Variants in RABAC1 observed in about 807,000 individuals in gnomAD.
RABAC1 encodes the protein Rab acceptor 1.
In RABAC1, 16 loss-of-function variants were observed where a neutral mutation model predicts 22.9. That is an observed-to-expected ratio of 0.70 (90% confidence interval 0.47 to 1.06). The LOEUF (loss-of-function observed/expected upper bound fraction) is 1.06, where lower values mean the gene tolerates loss of function less well. RABAC1 is among the 50% of genes least tolerant of loss of function. RABAC1 has a pLI of 0.00. For missense variants in RABAC1, 227 were observed against 246.5 expected (o/e 0.92, Z 0.53); for synonymous variants, 139 against 107.7 (o/e 1.29, Z -1.80).
In RABAC1 at chr19:41,956,757, T is replaced by C. The variant is rs1484992813; in HGVS notation, c.*89A>G. The C allele has an allele frequency of 1.4e-5, 17 of 1,243,328 alleles. No individual in the cohort carries two copies. Among genetic ancestry groups the C allele is most frequent in the Non-Finnish European group, 1.6e-5 (14 of 896,708 alleles). The allele number at this position is 1,243,328 out of a possible 1,614,324, so 77.0% of individuals were successfully genotyped here. A position where few individuals can be genotyped will look rare whatever the true frequency, so the allele number is the denominator to read the frequency against. On this transcript the variant is annotated 3_prime_UTR_variant, in exon 5 of 5. Transcript: ENST00000222008. Reference sequence around the variant, plus strand: ...CCCCGGGCTTGTGATGGGACGGCGCTGTGGGCCCGAGCAGCAGAGCCGTGC... The same window carrying C: ...CCCCGGGCTTGTGATGGGACGGCGCCGTGGGCCCGAGCAGCAGAGCCGTGC...
At chr19:41,958,000 G>A (rs1044162240) in intron 3 of RABAC1, 4 of 367,104 alleles carry the variant, frequency 1.1e-5, no homozygotes, top group Admixed American at 4.1e-5. Context: ...GCAAGGGGAG[G>A]AGAGAGAGGG....
intron 3 of RABAC1, chr19:41,958,016 G>A: frequency 2.5e-6 from 1 of 407,714 alleles, no homozygotes; most frequent in Non-Finnish European, 4.6e-6. Context: ...GAGGGGAGGA[G>A]TCATGTGGTT....
In RABAC1 at chr19:41,958,860, C is replaced by T. The variant is rs1301313320; in HGVS notation, c.145G>A (p.Val49Met). Residue 49 changes from valine (V) to methionine (M), a missense_variant, in exon 2 of 5, where the codon GTG (valine) becomes ATG (methionine). By Grantham distance (21) the Val-to-Met change is conservative (BLOSUM62 1). Coordinates refer to ENST00000222008, the MANE Select transcript of RABAC1 (RefSeq NM_006423.3). ...RATIRPWSTF[V>M]DQQRFSRPRN... Reference sequence around the variant, plus strand: ...GGCCGTGAGAAGCGCTGCTGGTCCACGAAGGTGCTCCAGGGCCGGATGGTC... The same window carrying T: ...GGCCGTGAGAAGCGCTGCTGGTCCATGAAGGTGCTCCAGGGCCGGATGGTC... 6.2e-7 allele frequency: 1 copy of T among 1,606,918 alleles called. No individual in the cohort carries two copies. Among genetic ancestry groups the T allele is most frequent in the African/African-American group, 1.3e-5 (1 of 75,018 alleles).
At chr19:41,958,619 A>C in intron 2 of RABAC1, 117 bp downstream of exon 2, 4 of 1,180,434 alleles carry the variant, frequency 3.4e-6, no homozygotes, top group Non-Finnish European at 3.6e-6. Flanking sequence ...GGCGGTGAGA[A>C]GAGGGCCCTG....
In RABAC1 at chr19:41,958,825, C is replaced by G. The variant is rs143231392; in HGVS notation, c.180G>C (p.Leu60=). ...DQQRFSRPRN[L]GELCQRLVRN... ...GTACGAGGCGCTGGCACAGCTCTCC[C>G]AGGTTGCGGGGCCGTGAGAAGCGCT... The change falls in exon 2 of 5, where the codon CTG becomes CTC. Residue 60 remains leucine, a synonymous_variant. Transcript: ENST00000222008. The G allele has an allele frequency of 6.2e-6, 10 of 1,610,758 alleles. No individual in the cohort carries two copies. Among genetic ancestry groups the G allele is most frequent in the Non-Finnish European group, 8.5e-6 (10 of 1,179,846 alleles).
intron 3 of RABAC1, chr19:41,957,459 G>A (rs2074995300): frequency 3.3e-6 from 1 of 300,594 alleles, no homozygotes; most frequent in Non-Finnish European, 6.3e-6. Flanking sequence ...GGTGGCCCAA[G>A]GGCCAAATCT....
rs782785413 is a variant in RABAC1 at position 41,956,915 on chromosome 19, G to A, written c.489C>T (p.Ile163=). 40 of 1,612,584 alleles carry A rather than the reference G, an allele frequency of 2.5e-5. No individual in the cohort carries two copies. Among genetic ancestry groups the A allele is most frequent in the African/African-American group, 8.0e-5 (6 of 74,868 alleles). ...TCTGGTGGAAGGCAGCGTGGGAGCC[G>A]ATGACCACCAGGGTGGCTCCTGCAG... The part of the protein sequence containing the change: ...FWVLGATLVV[I]GSHAAFHQIE... The change falls in exon 5 of 5, where the codon ATC becomes ATT. Residue 163 remains isoleucine, a synonymous_variant. Coordinates refer to ENST00000222008, the MANE Select transcript of RABAC1 (RefSeq NM_006423.3).
At chr19:41,957,466 A>C in intron 3 of RABAC1, 3 of 275,420 alleles carry the variant, frequency 1.1e-5, no homozygotes, top group East Asian at 7.0e-5. Flanking sequence ...CAAGGGCCAA[A>C]TCTGACCTGT....
At chr19:41,957,397 CTAGACTAGGGCTCTCCTGCTGCA>C in intron 3 of RABAC1, 2 of 485,652 alleles carry the variant, frequency 4.1e-6, no homozygotes, top group Non-Finnish European at 7.5e-6. Flanking sequence ...TTCCTGCTCC[CTAGACTAGGGCTCTCCTGCTGCA>C]ACCCTCGCGC....
chr19:41,959,255 G>T lies in RABAC1; in HGVS notation c.38C>A (p.Ala13Glu). The change falls in exon 1 of 5, where the codon GCG (alanine) becomes GAG (glutamate). Residue 13 changes from alanine to glutamate, a missense_variant. Transcript: ENST00000222008. ...AQKDQQKDAE[A>E]EGLSGTTLLP... The stretch of plus-strand genomic sequence containing the variant: ...CGCTCACGTGCCGCTCAGCCCTTCC[G>T]CCTCGGCATCTTTCTGCTGGTCCTT... The T allele has an allele frequency of 6.2e-7, 1 of 1,613,628 alleles. No individual in the cohort carries two copies. Among genetic ancestry groups the T allele is most frequent in the Non-Finnish European group, 8.5e-7 (1 of 1,179,936 alleles).
chr19:41,958,085 A>T (rs1029917709), intron 3 of RABAC1: 5 of 555,608 alleles, frequency 9.0e-6, no homozygotes, highest in Non-Finnish European at 1.6e-5. Flanking sequence ...GAGGAATAGC[A>T]ATTTGAGGGG....
intron 1 of RABAC1, 109 bp from the exon 2 acceptor site, chr19:41,959,057 G>T (rs1380261709): frequency 2.2e-6 from 3 of 1,351,470 alleles, no homozygotes; most frequent in Non-Finnish European, 3.0e-6. Context: ...CCAGATTCCT[G>T]TACAGCAGGC....
intron 2 of RABAC1, 148 bp downstream of exon 2, chr19:41,958,588 A>G: frequency 5.0e-6 from 5 of 1,002,848 alleles, no homozygotes; most frequent in Non-Finnish European, 7.4e-6. Flanking sequence ...TAGCAGAGCC[A>G]ATCCTTGGGG....
rs997471096 is a variant in RABAC1 at position 41,956,723 on chromosome 19, G to A, written c.*123C>T. ...CCATAACAGCTTTATTTTCAAAGGC[G>A]GGATCCCTCCCCGGGCTTGTGATGG... is the stretch of plus-strand genomic sequence containing the variant. On this transcript the variant is annotated 3_prime_UTR_variant, in exon 5 of 5. Transcript: ENST00000222008. 1.3e-5 allele frequency: 11 copies of A among 824,506 alleles called. No homozygotes were observed. Among genetic ancestry groups the A allele is most frequent in the Admixed American group, 2.9e-5 (1 of 34,146 alleles). 51.1% of individuals were successfully genotyped at this position (824,506 alleles called of 1,614,324 possible). A position where few individuals can be genotyped will look rare whatever the true frequency, so the allele number is the denominator to read the frequency against.
chr19:41,958,866 T>C lies in RABAC1; in HGVS notation c.139A>G (p.Thr47Ala). ...RRRATIRPWSTFVDQQRFSRP... is the reference protein window; with the variant it reads ...RRRATIRPWSAFVDQQRFSRP... ...GAGAAGCGCTGCTGGTCCACGAAGG[T>C]GCTCCAGGGCCGGATGGTCGCGCGG... Residue 47 changes from threonine (T) to alanine (A), a missense_variant, in exon 2 of 5, where the codon ACC (threonine) becomes GCC (alanine). Transcript: ENST00000222008. The C allele has an allele frequency of 2.5e-6, 4 of 1,605,814 alleles. No individual in the cohort carries two copies. The highest frequency in any genetic ancestry group is 3.4e-6 in the Non-Finnish European group (4 of 1,178,876).
At chr19:41,959,053 T>C in intron 1 of RABAC1, 105 bp from the exon 2 acceptor site, 2 of 1,358,060 alleles carry the variant, frequency 1.5e-6, no homozygotes, top group Non-Finnish European at 2.0e-6. Context: ...GACCCCAGAT[T>C]CCTGTACAGC....
chr19:41,959,113 A>T (rs887266189), intron 1 of RABAC1, 124 bp downstream of exon 1: 11 of 1,419,408 alleles, frequency 7.7e-6, no homozygotes, highest in Non-Finnish European at 9.6e-6. Context: ...ATTAGAGGAG[A>T]CCGGGGCCAA....
At position 41,958,143 on chromosome 19, in the gene RABAC1, C is replaced by T. The variant is rs534504173; in HGVS notation, c.367+143G>A. 139 of 691,522 alleles carry T rather than the reference C, an allele frequency of 2.0e-4. No homozygotes were observed. In the African/African-American group the frequency reaches 2.3e-3, roughly 12 times the overall value. The allele number at this position is 691,522 out of a possible 1,614,324, so 42.8% of individuals were successfully genotyped here. On this transcript the variant is annotated intron_variant, in intron 3 of 4. Transcript: ENST00000222008. ...GGTTGTGTCTGAGATTTTAAGGGATCAGGTTTGGGGGATCTAGTGTACATC... is the reference window on the plus strand; with the variant it reads ...GGTTGTGTCTGAGATTTTAAGGGATTAGGTTTGGGGGATCTAGTGTACATC...
rs782138947 is a variant in RABAC1, at chr19:41,958,719, GC to G, written c.269+16del. 2.6e-5 allele frequency: 41 copies of G among 1,606,176 alleles called. No individual in the cohort carries two copies. In the East Asian group the frequency reaches 9.0e-4, roughly 35 times the overall value. Reference sequence around the variant, plus strand: ...CGGTCGGGGCTAGTGCGGGTGCGGGGCCCGGGAGGCACTCACACACAGTACA... The same window carrying G: ...CGGTCGGGGCTAGTGCGGGTGCGGGGCCGGGAGGCACTCACACACAGTACA... On this transcript the variant is annotated intron_variant, in intron 2 of 4. Coordinates refer to ENST00000222008, the MANE Select transcript of RABAC1 (RefSeq NM_006423.3).
Sources: gnomAD v4.1 joint callset for allele counts on GRCh38, gnomAD v4.1.1 for gene constraint, MANE v1.5 for transcripts, NCBI Gene and HGNC (gene_info 2026-07-23, HGNC 2026-07-21) for gene names.